The following CUL9 variants were observed in gnomAD, a reference collection of about 807,000 sequenced individuals.
CUL9 encodes cullin-9.
A neutral mutation model predicts 272.6 loss-of-function variants in CUL9; 79 were observed. The ratio of observed to expected loss-of-function variants is 0.29; its 90% CI spans 0.24 to 0.35. The LOEUF is 0.35. CUL9 is among the 10% of genes least tolerant of loss of function. The pLI is 1.00. For synonymous variants in CUL9, 1,186 were observed against 1,286.5 expected, an observed-to-expected ratio of 0.92 and a Z score of 1.67; for missense variants, 2,532 against 3,255.6, an observed-to-expected ratio of 0.78 and a Z score of 5.41.
At position 43,184,244 on chromosome 6, in the gene CUL9, C is replaced by G. The variant is rs1772713062; in HGVS notation, c.-9-58C>G. On this transcript the variant is annotated intron_variant, in intron 1 of 40. Coordinates refer to ENST00000252050, the MANE Select transcript of CUL9 (RefSeq NM_015089.4). The surrounding 1 kb of genome is among the most constrained non-coding windows in gnomAD (Gnocchi z 4.8). Reference sequence around the variant, plus strand: ...TCTCTGTGTCTCAAGATTCCACCCCCTCCATGTATTTTTTTTCTTTTCTCA... The same window carrying G: ...TCTCTGTGTCTCAAGATTCCACCCCGTCCATGTATTTTTTTTCTTTTCTCA... The G allele has an allele frequency of 7.8e-7, 1 of 1,279,906 alleles. No homozygotes were observed. The highest frequency in any genetic ancestry group is 3.2e-5 in the Admixed American group (1 of 31,168). The allele number at this position is 1,279,906 out of a possible 1,614,324, so 79.3% of individuals were successfully genotyped here.
intron 11 of CUL9, 139 bp downstream of exon 11, chr6:43,197,001 C>T: frequency 2.9e-6 from 2 of 689,436 alleles, no homozygotes; most frequent in South Asian, 3.8e-5. Flanking sequence ...TTAAGTAGAA[C>T]TTCCCGACCA....
chr6:43,222,746 G>A, intron 37 of CUL9, 33 bp from the exon 38 acceptor site: 1 of 1,608,974 alleles, frequency 6.2e-7, no homozygotes. Context: ...ATGAGGAGAG[G>A]GCAGGCGGGA....
In CUL9 at chr6:43,200,638, GCCA is replaced by G. The variant is rs765734725; in HGVS notation, c.3476-22_3476-20del. ...CCTCTCAACTAACCTAGCTGTGACT[GCCA>G]CCCCTTCCCACTTGCCCCCAGGCTC... is the stretch of plus-strand genomic sequence containing the variant. On this transcript the variant is annotated intron_variant, in intron 15 of 40. Coordinates refer to ENST00000252050, the MANE Select transcript of CUL9 (RefSeq NM_015089.4). This position sits in a 1 kb window ranked among gnomAD's most constrained non-coding sequence, Gnocchi z 4.0. 7.4e-6 allele frequency: 12 copies of G among 1,613,966 alleles called. No individual in the cohort carries two copies. Among genetic ancestry groups the G allele is most frequent in the Admixed American group, 5.0e-5 (3 of 59,994 alleles).
chr6:43,191,481 A>AATTTTTTTT (rs1773486592), intron 8 of CUL9, among the ~76,000 whole-genome samples: 1 of 97,480 alleles, frequency 1.0e-5, no homozygotes, highest in African/African-American at 5.1e-5. Context: ...CACCCAGCTA[A>AATTTTTTTT]TTTTTTTTTT....
chr6:43,206,249 G>A lies in CUL9; in HGVS notation c.5022+14G>A. On this transcript the variant is annotated intron_variant, in intron 25 of 40. Transcript: ENST00000252050. The surrounding 1 kb of genome is among the most constrained non-coding windows in gnomAD (Gnocchi z 4.8). ...GAGGAAGAGGAGGTAAGAGCAGGGA[G>A]AATAGGAGAGTGAGAGAAGACTAGA... The A allele has an allele frequency of 6.2e-7, 1 of 1,611,872 alleles. No homozygotes were observed. The highest frequency in any genetic ancestry group is 1.1e-5 in the South Asian group (1 of 90,940).
chr6:43,187,181 C>T lies in CUL9; in HGVS notation c.1388-65C>T. The T allele has an allele frequency of 3.1e-6, 5 of 1,605,054 alleles. No homozygotes were observed. In the East Asian group the frequency reaches 8.9e-5, roughly 29 times the overall value. ...AAGCCACTTCTGACCAGGAGCAGCC[C>T]TAGGGGTCCAGAAATAGACCCCATT... On this transcript the variant is annotated intron_variant, in intron 5 of 40. Transcript: ENST00000252050.
chr6:43,198,333 A>G, intron 11 of CUL9: 1 of 976,720 alleles, frequency 1.0e-6, no homozygotes, highest in Non-Finnish European at 1.2e-6. Context: ...GTTAATATTT[A>G]CTATAACTAA....
Position 43,200,545 on chromosome 6 carries a change from T to C in CUL9, c.3475+19T>C, listed in dbSNP as rs752304630. 5 of 1,614,078 alleles carry C rather than the reference T, an allele frequency of 3.1e-6. No individual in the cohort carries two copies. The highest frequency in any genetic ancestry group is 4.5e-5 in the East Asian group (2 of 44,898). ...TGCCAGGGTTAGTGCCCTCATCTGC[T>C]TTCTCCTGGCTCCCATCCAGTGTCT... is the stretch of plus-strand genomic sequence containing the variant. On this transcript the variant is annotated intron_variant, in intron 15 of 40. Transcript: ENST00000252050. The surrounding 1 kb of genome is among the most constrained non-coding windows in gnomAD (Gnocchi z 4.0).
At position 43,221,539 on chromosome 6, in the gene CUL9, A is replaced by G; in HGVS notation, c.6753-146A>G. The G allele has an allele frequency of 1.1e-6, 1 of 875,180 alleles. No individual in the cohort carries two copies. 54.2% of individuals were successfully genotyped at this position (875,180 alleles called of 1,614,324 possible). On this transcript the variant is annotated intron_variant, in intron 34 of 40. Coordinates refer to ENST00000252050, the MANE Select transcript of CUL9 (RefSeq NM_015089.4). This position sits in a 1 kb window ranked among gnomAD's most constrained non-coding sequence, Gnocchi z 4.2. ...TGGGGGAGTTCAAAAGCAGAGGTGC[A>G]TTCAGCAGGGCTGGGTATGACTAAG...
At chr6:43,192,919 C>T (rs1773657513) in intron 8 of CUL9, 82 bp from the exon 9 acceptor site, 1 of 1,240,726 alleles carries the variant, frequency 8.1e-7, no homozygotes, top group African/African-American at 1.5e-5. Flanking sequence ...TGGGATTGGT[C>T]AGGGAGTCCG....
intron 8 of CUL9, among the ~76,000 whole-genome samples, chr6:43,192,399 G>GT (rs141320495): frequency 0.069 from 10,566 of 152,218 alleles, 445 homozygotes; most frequent in African/African-American, 0.11. Context: ...CTGTTGTGGT[G>GT]TTTTTAAAAA....
intron 26 of CUL9, among the ~76,000 whole-genome samples, chr6:43,208,402 C>T (rs1169843043): frequency 1.3e-5 from 2 of 152,182 alleles, no homozygotes; most frequent in Non-Finnish European, 2.9e-5. Context: ...GACGAGGTTT[C>T]ACCATGTTGG....
chr6:43,222,228 G>A, intron 35 of CUL9, 88 bp from the exon 36 acceptor site: 1 of 996,860 alleles, frequency 1.0e-6, no homozygotes. Context: ...GGTGTAGAAA[G>A]GCCTCCGTGA....
chr6:43,200,284 TA>T lies in CUL9; in HGVS notation c.3384+130del. The T allele has an allele frequency of 6.8e-7, 1 of 1,472,220 alleles. No individual in the cohort carries two copies. The highest frequency in any genetic ancestry group is 9.3e-7 in the Non-Finnish European group (1 of 1,074,978). 91.2% of individuals were successfully genotyped at this position (1,472,220 alleles called of 1,614,324 possible). A position where few individuals can be genotyped will look rare whatever the true frequency, so the allele number is the denominator to read the frequency against. On this transcript the variant is annotated intron_variant, in intron 14 of 40. Transcript: ENST00000252050. This position sits in a 1 kb window ranked among gnomAD's most constrained non-coding sequence, Gnocchi z 4.0. ...TAGCAAATCTGGGGCACTTGTTTCC[TA>T]ACCTTGACTCCACATGGTTCTGTCA...
At chr6:43,215,424 T>C in intron 30 of CUL9, 98 bp downstream of exon 30, 5 of 1,465,064 alleles carry the variant, frequency 3.4e-6, no homozygotes, top group Non-Finnish European at 4.5e-6. Flanking sequence ...TTTCTTTGTC[T>C]GATCCCCTTT....
Position 43,187,283 on chromosome 6 carries a change from G to A in CUL9, c.1425G>A (p.Leu475=), listed in dbSNP as rs769380090. 2 of 1,614,016 alleles carry A rather than the reference G, an allele frequency of 1.2e-6. No homozygotes were observed. The highest frequency in any genetic ancestry group is 2.2e-5 in the East Asian group (1 of 44,888). ...GGGACTGGAATCCTATGGATGGGCT[G>A]TACCCTTTGCCGTACCTCCAGCCCG... ...PSWDWNPMDG[L]YPLPYLQPEP... is the part of the protein sequence containing the mutation. The change falls in exon 6 of 41, where the codon CTG becomes CTA. Residue 475 remains leucine, a synonymous_variant. Transcript: ENST00000252050.
chr6:43,201,124 T>A (rs935689290), intron 16 of CUL9, among the ~76,000 whole-genome samples: 5 of 152,236 alleles, frequency 3.3e-5, no homozygotes, highest in Non-Finnish European at 7.3e-5. Context: ...ATTTGCTTAA[T>A]GCCAGGCATT....
rs374119667 is a variant in CUL9, at chr6:43,187,047, G to A, written c.1339G>A (p.Ala447Thr). 34 of 1,613,986 alleles carry A rather than the reference G, an allele frequency of 2.1e-5. No homozygotes were observed. The highest frequency in any genetic ancestry group is 2.4e-5 in the Non-Finnish European group (28 of 1,179,984). The change falls in exon 5 of 41, where the codon GCT (alanine) becomes ACT (threonine). Residue 447 changes from alanine (A) to threonine (T), a missense_variant. Coordinates refer to ENST00000252050, the MANE Select transcript of CUL9 (RefSeq NM_015089.4). ...LGPEEATEDK[A>T]SAAVEKGAGA... ...CCCTGAGGAAGCCACTGAGGATAAG[G>A]CTTCAGCAGCTGTGGAGAAGGGGGC... is the stretch of plus-strand genomic sequence containing the variant.
At chr6:43,185,336 C>G in intron 2 of CUL9, 120 bp from the exon 3 acceptor site, 1 of 967,754 alleles carries the variant, frequency 1.0e-6, no homozygotes, top group South Asian at 1.7e-5. Flanking sequence ...AAATGTATTT[C>G]TTTCTGTGAG....
Sources: gnomAD v4.1 joint callset for allele counts (sites outside exome capture counted in the v4.1 genomes callset) on GRCh38, gnomAD v4.1.1 for gene constraint, Gnocchi (gnomAD v3.1) non-coding constraint, MANE v1.5 for transcripts, NCBI Gene and HGNC (gene_info 2026-07-23, HGNC 2026-07-21) for gene names.